Variants in LAMA2 observed in about 807,000 individuals in gnomAD.
LAMA2 encodes laminin subunit alpha-2.
LAMA2 carries 269 observed loss-of-function variants against 364.8 expected under a neutral mutation model. The ratio of observed to expected loss-of-function variants is 0.74; its 90% CI spans 0.67 to 0.82. The LOEUF (loss-of-function observed/expected upper bound fraction) is 0.82. Among genes scored for constraint, LAMA2 ranks in the 40% least tolerant of loss-of-function variants. The pLI is 0.00. For missense variants in LAMA2, 3,807 were observed against 3,873.2 expected, an observed-to-expected ratio of 0.98 and a Z score of 0.45; for synonymous variants, 1,379 against 1,370.6, an observed-to-expected ratio of 1.01 and a Z score of -0.14.
intron 1 of LAMA2, among the ~76,000 whole-genome samples, chr6:128,972,841 A>G (rs1782272594): frequency 6.6e-6 from 1 of 152,212 alleles, no homozygotes; most frequent in Non-Finnish European, 1.5e-5. Flanking sequence ...TACCTCGGGA[A>G]CCACTCTAAT....
chr6:129,052,305 CTT>C (rs71272306), intron 2 of LAMA2, among the ~76,000 whole-genome samples: 2,614 of 131,232 alleles, frequency 0.02, 91 homozygotes, highest in African/African-American at 0.069. Context: ...CCGGCTAATT[CTT>C]TTTTTTTTTT....
At chr6:129,152,415 A>T (rs1356634369) in intron 7 of LAMA2, among the ~76,000 whole-genome samples, 2 of 152,202 alleles carry the variant, frequency 1.3e-5, no homozygotes, top group Non-Finnish European at 2.9e-5. Flanking sequence ...TAAGCGATTA[A>T]AATTTAAATT....
At chr6:128,938,283 AAT>A (rs1779950817) in intron 1 of LAMA2, among the ~76,000 whole-genome samples, 1 of 152,154 alleles carries the variant, frequency 6.6e-6, no homozygotes, top group African/African-American at 2.4e-5. Flanking sequence ...GATGAAATGA[AAT>A]AGTCAGTAGA....
intron 1 of LAMA2, among the ~76,000 whole-genome samples, chr6:129,028,869 A>T (rs916233758): frequency 6.6e-5 from 10 of 151,880 alleles, no homozygotes; most frequent in African/African-American, 2.4e-4. Flanking sequence ...TTCACTGATC[A>T]GTAACTTCTA....
chr6:129,216,790 G>T (rs546539938), intron 12 of LAMA2, among the ~76,000 whole-genome samples: 22 of 151,014 alleles, frequency 1.5e-4, no homozygotes, highest in Non-Finnish European at 2.2e-4. Flanking sequence ...GAGAATAGTT[G>T]GAAAGGGTTG....
chr6:129,058,286 G>A (rs1341019258), intron 2 of LAMA2, among the ~76,000 whole-genome samples: 2 of 152,354 alleles, frequency 1.3e-5, no homozygotes, highest in East Asian at 3.9e-4. Context: ...GGCAGCCCAG[G>A]AGTAGTGGCT....
At chr6:129,370,039 A>G (rs1335041285) in intron 34 of LAMA2, 49 bp downstream of exon 34, 13 of 1,446,492 alleles carry the variant, frequency 9.0e-6, no homozygotes, top group African/African-American at 2.8e-5. Flanking sequence ...GATTATGTCA[A>G]TGAAGGAAAA....
intron 4 of LAMA2, among the ~76,000 whole-genome samples, chr6:129,129,738 A>C (rs940845823): frequency 2.0e-5 from 3 of 151,532 alleles, no homozygotes; most frequent in African/African-American, 4.8e-5. Flanking sequence ...TCCCGGCTAA[A>C]ACGGTGAAAC....
At chr6:128,913,910 G>GT (rs1311857901) in intron 1 of LAMA2, among the ~76,000 whole-genome samples, 1 of 152,018 alleles carries the variant, frequency 6.6e-6, no homozygotes. Context: ...CCTTTTGAGG[G>GT]TATCTGTAGG....
intron 1 of LAMA2, among the ~76,000 whole-genome samples, chr6:129,011,574 C>T (rs1347634884): frequency 6.6e-6 from 1 of 152,066 alleles, no homozygotes; most frequent in Non-Finnish European, 1.5e-5. Flanking sequence ...CCAGGTGGCT[C>T]GTCCATCTCT....
chr6:129,341,673 A>T (rs535178710), intron 29 of LAMA2, among the ~76,000 whole-genome samples: 21 of 152,306 alleles, frequency 1.4e-4, no homozygotes, highest in South Asian at 6.2e-4. Context: ...TTATTGTGTT[A>T]AATATAATTC....
At chr6:128,897,204 A>G (rs1230283123) in intron 1 of LAMA2, among the ~76,000 whole-genome samples, 1 of 152,230 alleles carries the variant, frequency 6.6e-6, no homozygotes, top group Non-Finnish European at 1.5e-5. Flanking sequence ...TCCTTTAGTG[A>G]CATACTTCAG....
intron 2 of LAMA2, among the ~76,000 whole-genome samples, chr6:129,051,813 C>T (rs938631833): frequency 6.6e-6 from 1 of 151,508 alleles, no homozygotes; most frequent in Non-Finnish European, 1.5e-5. Flanking sequence ...GGAGGGAAAC[C>T]ACCATTGGTT....
chr6:129,475,343 A>G, intron 52 of LAMA2, 47 bp from the exon 53 acceptor site: 1 of 1,106,652 alleles, frequency 9.0e-7, no homozygotes, highest in South Asian at 1.4e-5. Context: ...AATTATAAGT[A>G]AATTGTTTTT....
intron 51 of LAMA2, among the ~76,000 whole-genome samples, chr6:129,470,146 G>A (rs537019649): frequency 6.6e-6 from 1 of 151,986 alleles, no homozygotes; most frequent in South Asian, 2.1e-4. Context: ...TTTAGGAGAA[G>A]AAATTAGTGA....
In LAMA2 at chr6:129,280,145, G is replaced by A. The variant is rs1439478171; in HGVS notation, c.2535G>A (p.Glu845=). 1.9e-6 allele frequency: 3 copies of A among 1,593,940 alleles called. No individual in the cohort carries two copies. The highest frequency in any genetic ancestry group is 2.6e-6 in the Non-Finnish European group (3 of 1,161,802). Residue 845 remains glutamate, a splice_region_variant and synonymous_variant, in exon 18 of 65, where the codon GAG becomes GAA. Transcript: ENST00000421865. ...CPVGYTGPRC[E]RCAEGYFGQP... is the part of the protein sequence containing the mutation. Reference sequence around the variant, plus strand: ...TCGGGTACACAGGACCACGCTGTGAGAGGTAAGAGTATACTACACTGTCTT... The same window carrying A: ...TCGGGTACACAGGACCACGCTGTGAAAGGTAAGAGTATACTACACTGTCTT...
chr6:128,924,219 C>T (rs770156955), intron 1 of LAMA2, among the ~76,000 whole-genome samples: 113 of 152,262 alleles, frequency 7.4e-4, no homozygotes, highest in Middle Eastern at 3.4e-3. Flanking sequence ...TATACACACA[C>T]ACACATATGT....
At chr6:129,289,083 T>A (rs957174318) in intron 19 of LAMA2, among the ~76,000 whole-genome samples, 3 of 152,122 alleles carry the variant, frequency 2.0e-5, no homozygotes, top group African/African-American at 7.2e-5. Context: ...AGAAGATGAG[T>A]TCTAGCTTTT....
intron 3 of LAMA2, among the ~76,000 whole-genome samples, chr6:129,076,503 A>ATATATTATATATATATAT: frequency 7.7e-6 from 1 of 130,454 alleles, no homozygotes; most frequent in Non-Finnish European, 1.6e-5. Flanking sequence ...ATATATAAAT[A>ATATATTATATATATATAT]TATATATATA....
Sources: gnomAD v4.1 joint callset for allele counts (sites outside exome capture counted in the v4.1 genomes callset) on GRCh38, gnomAD v4.1.1 for gene constraint, MANE v1.5 for transcripts, NCBI Gene and HGNC (gene_info 2026-07-23, HGNC 2026-07-21) for gene names.